Variants in ADGRB3 observed in about 807,000 individuals in gnomAD.
ADGRB3 encodes adhesion G protein-coupled receptor B3.
A neutral mutation model predicts 193.4 loss-of-function variants in ADGRB3; 37 were observed. The observed-to-expected ratio is 0.19, with a 90% confidence interval of 0.15 to 0.25. The LOEUF is 0.25. Among genes scored for constraint, ADGRB3 ranks in the 10% least tolerant of loss-of-function variants. The pLI is 1.00. For missense variants in ADGRB3, 1,637 were observed against 1,852.9 expected (o/e 0.88, Z 2.14); for synonymous variants, 690 against 644.2 (o/e 1.07, Z -1.08).
intron 3 of ADGRB3, among the ~76,000 whole-genome samples, chr6:68,721,608 T>C (rs1377511123): frequency 7.2e-6 from 1 of 137,990 alleles, no homozygotes; most frequent in East Asian, 2.1e-4. Context: ...ACATGTACCC[T>C]AGAACTTAAA....
At chr6:68,706,125 G>A (rs755533779) in intron 3 of ADGRB3, among the ~76,000 whole-genome samples, 29 of 152,120 alleles carry the variant, frequency 1.9e-4, no homozygotes, top group East Asian at 1.9e-4. Flanking sequence ...TGAGAAAAGC[G>A]TTCAGAGGAG....
At chr6:68,916,748 A>C (rs1037756802) in intron 3 of ADGRB3, among the ~76,000 whole-genome samples, 1 of 152,206 alleles carries the variant, frequency 6.6e-6, no homozygotes, top group South Asian at 2.1e-4. Context: ...ATTCGTGCAG[A>C]GGAGAAATGA....
At chr6:69,338,866 G>A (rs370605257) in intron 24 of ADGRB3, 50 bp from the exon 25 acceptor site, 3 of 1,518,658 alleles carry the variant, frequency 2.0e-6, no homozygotes, top group Non-Finnish European at 2.7e-6. Context: ...TTTTTTTTTG[G>A]TGACAATTCA....
chr6:68,696,606 T>G (rs899413250), intron 3 of ADGRB3, among the ~76,000 whole-genome samples: 6 of 151,840 alleles, frequency 4.0e-5, no homozygotes, highest in Non-Finnish European at 8.8e-5. Flanking sequence ...TATAATATAA[T>G]AAGAATAATT....
rs756144953 is a variant in ADGRB3 at position 69,382,918 on chromosome 6, C to A, written c.4363C>A (p.Pro1455Thr). The change falls in exon 31 of 32, where the codon CCA becomes ACA. Residue 1455 changes from proline to threonine, a missense_variant. This residue lies in a region of ADGRB3 where 368 missense variants were observed against 367.4 expected (regional missense o/e 1.00). Coordinates refer to ENST00000370598, the MANE Select transcript of ADGRB3 (RefSeq NM_001704.3). ...FQTLDRFRDI[P>T]NTSSMENPAP... is the part of the protein sequence containing the mutation. Reference sequence around the variant, plus strand: ...AACTTTGGACAGATTTCGGGATATACCAAATACAAGCAGTATGGTAAGTAT... The same window carrying A: ...AACTTTGGACAGATTTCGGGATATAACAAATACAAGCAGTATGGTAAGTAT... 6.2e-7 allele frequency: 1 copy of A among 1,604,008 alleles called. No individual in the cohort carries two copies. The highest frequency in any genetic ancestry group is 2.2e-5 in the East Asian group (1 of 44,482).
At chr6:69,195,913 A>G (rs1765284366) in intron 17 of ADGRB3, among the ~76,000 whole-genome samples, 1 of 152,168 alleles carries the variant, frequency 6.6e-6, no homozygotes, top group Admixed American at 6.6e-5. Context: ...AGTTTAGGAA[A>G]CAACTATTGA....
intron 3 of ADGRB3, among the ~76,000 whole-genome samples, chr6:68,905,249 G>A (rs1021934127): frequency 5.3e-5 from 8 of 152,108 alleles, no homozygotes; most frequent in Non-Finnish European, 7.4e-5. Context: ...CAATTATTCA[G>A]GGTACACATA....
chr6:69,319,802 T>C (rs972322619), intron 20 of ADGRB3, among the ~76,000 whole-genome samples: 2 of 151,428 alleles, frequency 1.3e-5, no homozygotes, highest in African/African-American at 2.4e-5. Context: ...TTTTCCTGTG[T>C]CAGTCTTTGG....
intron 17 of ADGRB3, among the ~76,000 whole-genome samples, chr6:69,165,286 AT>A (rs1775101830): frequency 6.6e-6 from 1 of 152,104 alleles, no homozygotes; most frequent in African/African-American, 2.4e-5. Context: ...GGTCAGCTCA[AT>A]AGAGGTGCAA....
intron 20 of ADGRB3, among the ~76,000 whole-genome samples, chr6:69,250,569 G>A (rs1268606794): frequency 6.6e-6 from 1 of 152,150 alleles, no homozygotes; most frequent in African/African-American, 2.4e-5. Flanking sequence ...GAATTTAGGA[G>A]AAATGTAGCT....
chr6:68,683,231 T>C (rs1328492392), intron 3 of ADGRB3, among the ~76,000 whole-genome samples: 1 of 152,048 alleles, frequency 6.6e-6, no homozygotes, highest in Non-Finnish European at 1.5e-5. Flanking sequence ...ATAATTCTGT[T>C]TTCAAGAATT....
chr6:68,803,857 A>C (rs962816764), intron 3 of ADGRB3, among the ~76,000 whole-genome samples: 3 of 152,092 alleles, frequency 2.0e-5, no homozygotes, highest in African/African-American at 7.2e-5. Context: ...TGAAGTCCAA[A>C]TCGATTATTT....
chr6:68,643,463 T>TTTGG (rs1259604102), intron 3 of ADGRB3, among the ~76,000 whole-genome samples: 43 of 140,326 alleles, frequency 3.1e-4, no homozygotes, highest in Non-Finnish European at 5.8e-4. Flanking sequence ...TTTTTTTTCG[T>TTTGG]ATGTCACTGC....
At chr6:68,914,148 A>C (rs1400086430) in intron 3 of ADGRB3, among the ~76,000 whole-genome samples, 1 of 151,554 alleles carries the variant, frequency 6.6e-6, no homozygotes, top group Non-Finnish European at 1.5e-5. Context: ...AACTTCCCCA[A>C]TCTAGCAAGG....
intron 17 of ADGRB3, among the ~76,000 whole-genome samples, chr6:69,109,035 T>C (rs1270697284): frequency 1.3e-5 from 2 of 152,206 alleles, no homozygotes; most frequent in Non-Finnish European, 2.9e-5. Context: ...GCTTGGATTT[T>C]GTTCTGAATG....
intron 10 of ADGRB3, among the ~76,000 whole-genome samples, chr6:68,984,614 G>A (rs957585249): frequency 1.3e-5 from 2 of 151,840 alleles, no homozygotes; most frequent in African/African-American, 2.4e-5. Flanking sequence ...GCCAAAAAAG[G>A]GTTTTGTATT....
chr6:68,735,633 A>G (rs1231994473), intron 3 of ADGRB3, among the ~76,000 whole-genome samples: 3 of 152,120 alleles, frequency 2.0e-5, no homozygotes, highest in Non-Finnish European at 4.4e-5. Context: ...TGAGGTTATA[A>G]TGAAATTATG....
At chr6:69,263,604 G>A (rs1055360932) in intron 20 of ADGRB3, among the ~76,000 whole-genome samples, 1 of 151,926 alleles carries the variant, frequency 6.6e-6, no homozygotes, top group Non-Finnish European at 1.5e-5. Context: ...TAGAAACTGA[G>A]GCTAAATTTG....
At chr6:69,168,273 A>G in intron 17 of ADGRB3, among the ~76,000 whole-genome samples, 1 of 152,122 alleles carries the variant, frequency 6.6e-6, no homozygotes, top group Admixed American at 6.6e-5. Context: ...CAATTTCATC[A>G]GCCGAAAAAC....
Sources: allele counts gnomAD v4.1 joint callset (sites outside exome capture counted in the v4.1 genomes callset), GRCh38; gene constraint gnomAD v4.1.1; regional missense constraint gnomAD v4.1.1; transcripts MANE v1.5; gene names NCBI Gene and HGNC (gene_info 2026-07-23, HGNC 2026-07-21).